Variants in ITSN1 observed in about 807,000 individuals in gnomAD.
ITSN1 encodes intersectin 1.
ITSN1 carries 58 observed loss-of-function variants against 239.8 expected under a neutral mutation model. That is an observed-to-expected ratio of 0.24 (90% CI 0.20 to 0.30). The LOEUF is 0.30. Ranked by LOEUF, ITSN1 falls within the 10% of genes least tolerant of loss-of-function variation. The pLI is 1.00. For missense variants in ITSN1, 1,558 were observed against 2,103.3 expected (o/e 0.74, Z 5.07); for synonymous variants, 780 against 770.8 (o/e 1.01, Z -0.20).
At chr21:33,801,665 T>C (rs2072016018) in intron 19 of ITSN1, among the ~76,000 whole-genome samples, 2 of 152,170 alleles carry the variant, frequency 1.3e-5, no homozygotes, top group Non-Finnish European at 2.9e-5. Flanking sequence ...AGTCTCCCTA[T>C]GTTGCCCAGG....
intron 22 of ITSN1, among the ~76,000 whole-genome samples, chr21:33,814,877 T>G (rs1362326832): frequency 6.6e-6 from 1 of 151,808 alleles, no homozygotes; most frequent in Admixed American, 6.6e-5. Flanking sequence ...GAGGTGCCGG[T>G]GGAAGCAGAA....
Position 33,776,684 on chromosome 21 carries a change from A to G in ITSN1, c.1596+1576A>G, listed in dbSNP as rs191820544. ...CTAATGATGTTGGGAATCATCTTAC[A>G]TGTTTATTGGCGAGTATTTTTTACT... is the stretch of plus-strand genomic sequence containing the variant. On this transcript the variant is annotated intron_variant, in intron 14 of 39. Transcript: ENST00000381318. 6.1e-3 allele frequency among the ~76,000 whole-genome samples: 924 copies of G among 152,216 alleles called. 8 individuals carry two copies. Among genetic ancestry groups the G allele is most frequent in the Non-Finnish European group, 9.5e-3 (644 of 68,014 alleles).
intron 29 of ITSN1, among the ~76,000 whole-genome samples, chr21:33,852,628 T>C (rs1978535092): frequency 6.6e-6 from 1 of 152,168 alleles, no homozygotes; most frequent in Non-Finnish European, 1.5e-5. Flanking sequence ...TGTGTCTAAC[T>C]AGGCAACATC....
At chr21:33,725,902 A>G (rs1465175367) in intron 4 of ITSN1, among the ~76,000 whole-genome samples, 1 of 152,232 alleles carries the variant, frequency 6.6e-6, no homozygotes, top group East Asian at 1.9e-4. Context: ...GTTTAGCAAG[A>G]TCTGCCTTTC....
intron 36 of ITSN1, among the ~76,000 whole-genome samples, chr21:33,884,812 A>T (rs1416628389): frequency 2.0e-5 from 3 of 152,202 alleles, no homozygotes. Context: ...CCCCGGGGAC[A>T]TCATCGCAGG....
chr21:33,856,704 G>A, intron 29 of ITSN1, 32 bp from the exon 30 acceptor site: 1 of 1,613,140 alleles, frequency 6.2e-7, no homozygotes, highest in Non-Finnish European at 8.5e-7. Flanking sequence ...CCCAGACTGT[G>A]CTAAGTTCTC....
chr21:33,649,137 G>GAC (rs2088263201), intron 1 of ITSN1, among the ~76,000 whole-genome samples: 1 of 152,196 alleles, frequency 6.6e-6, no homozygotes, highest in Non-Finnish European at 1.5e-5. Flanking sequence ...CTGGGTGTGT[G>GAC]TGTCCAGGTA....
chr21:33,706,879 C>G (rs368184344), intron 1 of ITSN1, among the ~76,000 whole-genome samples: 37 of 152,070 alleles, frequency 2.4e-4, no homozygotes, highest in African/African-American at 8.9e-4. Context: ...TGCGCTATCA[C>G]GCCCAGCTAA....
At chr21:33,764,414 G>A (rs1014873892) in intron 9 of ITSN1, among the ~76,000 whole-genome samples, 1 of 152,150 alleles carries the variant, frequency 6.6e-6, no homozygotes, top group Non-Finnish European at 1.5e-5. Context: ...GCGGGCAGGG[G>A]TTTCATTTTA....
intron 18 of ITSN1, among the ~76,000 whole-genome samples, chr21:33,798,418 T>TA (rs371603233): frequency 0.011 from 1,700 of 151,448 alleles, 32 homozygotes; most frequent in African/African-American, 0.04. Context: ...CTTTTTTTTT[T>TA]AAAAAAGGGA....
chr21:33,876,608 T>C (rs1432876115), intron 34 of ITSN1, among the ~76,000 whole-genome samples: 1 of 152,190 alleles, frequency 6.6e-6, no homozygotes, highest in Admixed American at 6.5e-5. Context: ...ATTTTAAACA[T>C]AGATATTCCT....
chr21:33,843,032 G>T (rs968793963), intron 29 of ITSN1, among the ~76,000 whole-genome samples: 1 of 152,150 alleles, frequency 6.6e-6, no homozygotes, highest in African/African-American at 2.4e-5. Context: ...CTGGGCTGCG[G>T]TGGAGCGCAG....
chr21:33,782,800 C>T (rs965344500), intron 16 of ITSN1, among the ~76,000 whole-genome samples: 9 of 151,798 alleles, frequency 5.9e-5, no homozygotes, highest in South Asian at 2.1e-4. Flanking sequence ...CCGAGGCAGG[C>T]GGATCATGAG....
intron 26 of ITSN1, among the ~76,000 whole-genome samples, chr21:33,827,934 C>T (rs998281613): frequency 3.9e-5 from 6 of 152,146 alleles, no homozygotes; most frequent in East Asian, 1.9e-4. Context: ...AGGGAAATTT[C>T]ACGTAGTCTA....
At chr21:33,833,765 A>G (rs1379671318) in intron 27 of ITSN1, among the ~76,000 whole-genome samples, 2 of 151,778 alleles carry the variant, frequency 1.3e-5, no homozygotes, top group Admixed American at 1.3e-4. Flanking sequence ...CCAGCTACTC[A>G]GGAGGCTGAG....
intron 29 of ITSN1, among the ~76,000 whole-genome samples, chr21:33,846,790 TGC>T (rs2075002909): frequency 6.6e-6 from 1 of 152,130 alleles, no homozygotes; most frequent in South Asian, 2.1e-4. Flanking sequence ...ACAAAACCTG[TGC>T]TTGAGTTTCC....
intron 24 of ITSN1, among the ~76,000 whole-genome samples, chr21:33,822,808 T>A (rs1053746794): frequency 6.6e-6 from 1 of 152,222 alleles, no homozygotes; most frequent in African/African-American, 2.4e-5. Context: ...CCTTTTATCA[T>A]CAGTCCTCTC....
At chr21:33,824,017 A>G (rs1445955892) in intron 25 of ITSN1, among the ~76,000 whole-genome samples, 1 of 152,244 alleles carries the variant, frequency 6.6e-6, no homozygotes, top group East Asian at 1.9e-4. Flanking sequence ...CAAGAATGGT[A>G]GCAATATTTT....
Position 33,718,801 on chromosome 21 carries a change from C to T in ITSN1, c.-28C>T, listed in dbSNP as rs377661012. ...ATGTTGCATTTTCACTTACAGGCGT[C>T]GATTAGCAAGGTAAAAGTAACAGAA... On this transcript the variant is annotated 5_prime_UTR_variant, in exon 2 of 40. The change creates a premature stop within an existing upstream ORF in the 5' untranslated region. Transcript: ENST00000381318. 11 of 1,607,926 alleles carry T rather than the reference C, an allele frequency of 6.8e-6. No individual in the cohort carries two copies. The highest frequency in any genetic ancestry group is 2.2e-5 in the East Asian group (1 of 44,818).
Sources: gnomAD v4.1 joint callset for allele counts (sites outside exome capture counted in the v4.1 genomes callset) on GRCh38, gnomAD v4.1.1 for gene constraint, MANE v1.5 for transcripts, NCBI Gene and HGNC (gene_info 2026-07-23, HGNC 2026-07-21) for gene names.